Variants in TMEM132D observed in about 807,000 individuals in gnomAD.
The protein encoded by TMEM132D is mature OL transmembrane protein.
TMEM132D carries 21 observed loss-of-function variants against 62.3 expected under a neutral mutation model. That is an observed-to-expected ratio of 0.34 (90% CI 0.24 to 0.49). The LOEUF (loss-of-function observed/expected upper bound fraction) is 0.49. TMEM132D is among the 20% of genes least tolerant of loss of function. The pLI is 0.99. For missense variants in TMEM132D, 1,346 were observed against 1,402.8 expected (o/e 0.96, Z 0.65); for synonymous variants, 621 against 575.6 (o/e 1.08, Z -1.13).
At chr12:129,176,985 A>G (rs896141811) in intron 5 of TMEM132D, among the ~76,000 whole-genome samples, 1 of 152,236 alleles carries the variant, frequency 6.6e-6, no homozygotes, top group African/African-American at 2.4e-5. Context: ...AGCCGTCTTG[A>G]CCGCGCTTCA....
chr12:129,633,536 T>A (rs1237792796), intron 2 of TMEM132D, among the ~76,000 whole-genome samples: 1 of 152,186 alleles, frequency 6.6e-6, no homozygotes, highest in African/African-American at 2.4e-5. Flanking sequence ...TCATGTGCAT[T>A]TTAATACCCC....
intron 2 of TMEM132D, among the ~76,000 whole-genome samples, chr12:129,597,879 G>A (rs1014806695): frequency 1.3e-5 from 2 of 152,078 alleles, no homozygotes; most frequent in Admixed American, 1.3e-4. Context: ...ATATTTAGAA[G>A]GGCTTTATTG....
intron 3 of TMEM132D, among the ~76,000 whole-genome samples, chr12:129,367,850 A>G (rs1167000430): frequency 6.7e-6 from 1 of 148,998 alleles, no homozygotes; most frequent in Non-Finnish European, 1.5e-5. Flanking sequence ...CAGCAGTGCA[A>G]TCTTGGCTCA....
intron 5 of TMEM132D, among the ~76,000 whole-genome samples, chr12:129,095,101 G>A (rs1347631127): frequency 6.6e-6 from 1 of 151,782 alleles, no homozygotes; most frequent in East Asian, 1.9e-4. Flanking sequence ...GTTAATGGGT[G>A]CAGCCCACCA....
intron 1 of TMEM132D, among the ~76,000 whole-genome samples, chr12:129,787,689 C>T (rs1871281292): frequency 6.6e-6 from 1 of 152,156 alleles, no homozygotes; most frequent in South Asian, 2.1e-4. Context: ...TCAGCTCCCT[C>T]CCAAAATTTC....
intron 3 of TMEM132D, among the ~76,000 whole-genome samples, chr12:129,390,070 C>G (rs1403973732): frequency 6.6e-6 from 1 of 152,212 alleles, no homozygotes; most frequent in Non-Finnish European, 1.5e-5. Flanking sequence ...AGGGAGAAGA[C>G]TGTGTGACAG....
chr12:129,759,272 A>G (rs749162209), intron 1 of TMEM132D, among the ~76,000 whole-genome samples: 3 of 152,174 alleles, frequency 2.0e-5, no homozygotes, highest in Non-Finnish European at 4.4e-5. Context: ...CTCTGTTACT[A>G]CATTGTGACT....
chr12:129,432,123 G>GTGGATGGATGGA lies in TMEM132D; in HGVS notation c.1116-94318_1116-94307dup, dbSNP rs113591569. On this transcript the variant is annotated intron_variant, in intron 3 of 8. Transcript: ENST00000422113. Reference sequence around the variant, plus strand: ...TATGGATGAATGAATGGATGGATAGGTGGATGGATGGATGGATGGATGGAT... The same window carrying GTGGATGGATGGA: ...TATGGATGAATGAATGGATGGATAGGTGGATGGATGGATGGATGGATGGATGGATGGATGGAT... Among the ~76,000 whole-genome samples, 902 of 145,218 alleles carry GTGGATGGATGGA rather than the reference G, an allele frequency of 6.2e-3. 19 individuals carry two copies. The highest frequency in any genetic ancestry group is 0.022 in the African/African-American group (814 of 37,832).
intron 5 of TMEM132D, among the ~76,000 whole-genome samples, chr12:129,138,180 A>T (rs948526303): frequency 6.6e-6 from 1 of 152,216 alleles, no homozygotes; most frequent in Non-Finnish European, 1.5e-5. Flanking sequence ...CCTTGCAGAA[A>T]AAAAGGGCTC....
rs1435762073 is a variant in TMEM132D at position 129,329,669 on chromosome 12, A to G, written c.1299+7965T>C. 2.0e-5 allele frequency among the ~76,000 whole-genome samples: 3 copies of G among 152,072 alleles called. No homozygotes were observed. The East Asian group carries it at 5.8e-4, about 29-fold the overall frequency. On this transcript the variant is annotated intron_variant, in intron 4 of 8. Coordinates refer to ENST00000422113, the MANE Select transcript of TMEM132D (RefSeq NM_133448.3). Reference sequence around the variant, plus strand: ...TGGGTTACCATCTCCTCGCAAATCCATGTGTATTCCAATGAGGGATAAGGC... The same window carrying G: ...TGGGTTACCATCTCCTCGCAAATCCGTGTGTATTCCAATGAGGGATAAGGC...
At chr12:129,754,538 G>A (rs1870103472) in intron 1 of TMEM132D, among the ~76,000 whole-genome samples, 1 of 152,116 alleles carries the variant, frequency 6.6e-6, no homozygotes, top group African/African-American at 2.4e-5. Context: ...AAGAAGATGG[G>A]GTTCTTGGAT....
intron 1 of TMEM132D, among the ~76,000 whole-genome samples, chr12:129,874,592 TA>T (rs34854402): frequency 0.019 from 2,499 of 130,210 alleles, 57 homozygotes; most frequent in African/African-American, 0.061. Context: ...AAAGCTAGGT[TA>T]AAAAAAAAAA....
At chr12:129,432,627 C>T (rs1338128775) in intron 3 of TMEM132D, among the ~76,000 whole-genome samples, 1 of 152,114 alleles carries the variant, frequency 6.6e-6, no homozygotes, top group African/African-American at 2.4e-5. Context: ...TAATATATAC[C>T]AAGAGTAGAC....
intron 3 of TMEM132D, among the ~76,000 whole-genome samples, chr12:129,448,090 C>T (rs74942782): frequency 0.027 from 4,123 of 152,244 alleles, 86 homozygotes; most frequent in Non-Finnish European, 0.043. Context: ...ATATGGCCCA[C>T]GGACTGTAGT....
intron 2 of TMEM132D, among the ~76,000 whole-genome samples, chr12:129,660,940 C>T (rs1880222878): frequency 6.6e-6 from 1 of 152,196 alleles, no homozygotes; most frequent in East Asian, 1.9e-4. Flanking sequence ...GACTCAAATG[C>T]ACTCCCAGTA....
intron 5 of TMEM132D, among the ~76,000 whole-genome samples, chr12:129,134,658 G>A (rs1005788290): frequency 3.3e-5 from 5 of 152,146 alleles, no homozygotes; most frequent in Admixed American, 2.6e-4. Flanking sequence ...AGAACAATTT[G>A]TCCAATGTGA....
chr12:129,892,716 G>C (rs544192245), intron 1 of TMEM132D, among the ~76,000 whole-genome samples: 5 of 152,058 alleles, frequency 3.3e-5, no homozygotes, highest in Non-Finnish European at 4.4e-5. Flanking sequence ...CATCATTTAT[G>C]GCTACAAGCA....
At chr12:129,728,964 G>T (rs1869128559) in intron 1 of TMEM132D, among the ~76,000 whole-genome samples, 1 of 151,898 alleles carries the variant, frequency 6.6e-6, no homozygotes, top group Admixed American at 6.6e-5. Flanking sequence ...GACTTTGCGG[G>T]GTGTTATTTA....
At chr12:129,115,938 G>C (rs373799461) in intron 5 of TMEM132D, among the ~76,000 whole-genome samples, 2 of 152,286 alleles carry the variant, frequency 1.3e-5, no homozygotes, top group African/African-American at 4.8e-5. Context: ...GGGACAAAGG[G>C]AGCAGTACTG....
Sources: allele counts gnomAD v4.1 joint callset (sites outside exome capture counted in the v4.1 genomes callset), GRCh38; gene constraint gnomAD v4.1.1; transcripts MANE v1.5; gene names NCBI Gene and HGNC (gene_info 2026-07-23, HGNC 2026-07-21).